Variants in EFHD1 observed in about 807,000 individuals in gnomAD.
The protein encoded by EFHD1 is EF-hand domain-containing protein D1.
A neutral mutation model predicts 17.2 loss-of-function variants in EFHD1; 10 were observed. That is an observed-to-expected ratio of 0.58 (90% CI 0.36 to 0.99). The LOEUF is 0.99. Ranked by LOEUF, EFHD1 falls within the 50% of genes least tolerant of loss-of-function variation. EFHD1 has a pLI of 0.01. For missense variants in EFHD1, 310 were observed against 327.5 expected (o/e 0.95, Z 0.41); for synonymous variants, 153 against 142.0 (o/e 1.08, Z -0.55).
Position 232,652,486 on chromosome 2 carries a change from A to G in EFHD1, c.303-10316A>G, listed in dbSNP as rs189731447. Reference sequence around the variant, plus strand: ...CATTCTGATCCCCAGGAATTCACTTACTTCAGTTTTCACCATCTCTGAAGC... The same window carrying G: ...CATTCTGATCCCCAGGAATTCACTTGCTTCAGTTTTCACCATCTCTGAAGC... On this transcript the variant is annotated intron_variant, in intron 1 of 3. Coordinates refer to ENST00000264059, the MANE Select transcript of EFHD1 (RefSeq NM_025202.4). Among the ~76,000 whole-genome samples, 224 of 152,060 alleles carry G rather than the reference A, an allele frequency of 1.5e-3. 1 individual carries two copies. The highest frequency in any genetic ancestry group is 2.1e-3 in the Non-Finnish European group (140 of 67,996).
chr2:232,640,885 C>G (rs564699856), intron 1 of EFHD1, among the ~76,000 whole-genome samples: 2 of 152,164 alleles, frequency 1.3e-5, no homozygotes, highest in African/African-American at 4.8e-5. Flanking sequence ...AGGGAAGGCC[C>G]TTGGGATGAA....
intron 1 of EFHD1, chr2:232,606,323 C>A (rs1441535873): frequency 1.0e-6 from 1 of 973,400 alleles, no homozygotes; most frequent in Non-Finnish European, 1.6e-6. Flanking sequence ...CCCTGCCCCG[C>A]GCACGGTCTG....
At chr2:232,677,296 TAC>T (rs1213951182) in intron 3 of EFHD1, among the ~76,000 whole-genome samples, 1 of 138,582 alleles carries the variant, frequency 7.2e-6, no homozygotes, top group East Asian at 2.2e-4. Flanking sequence ...CACACACACG[TAC>T]ACACACACAT....
chr2:232,662,805 T>C lies in EFHD1; in HGVS notation c.306T>C (p.Tyr102=). 6.4e-7 allele frequency: 1 copy of C among 1,573,100 alleles called. No homozygotes were observed. Residue 102 remains tyrosine, a synonymous_variant, in exon 2 of 4, where the codon TAT becomes TAC. Transcript: ENST00000264059. ...ATGCATTCCTTTGACCCTGCAGGTA[T>C]GACGCTGGGCGGGATGGCTTCATCG... is the stretch of plus-strand genomic sequence containing the variant. ...IKDLESMFKL[Y]DAGRDGFIDL...
At chr2:232,626,804 A>G (rs1694109826) in intron 1 of EFHD1, among the ~76,000 whole-genome samples, 1 of 152,142 alleles carries the variant, frequency 6.6e-6, no homozygotes. Context: ...GACACTGTCT[A>G]GAACAATGAA....
chr2:232,672,832 A>G (rs1695104010), intron 3 of EFHD1, among the ~76,000 whole-genome samples: 1 of 152,172 alleles, frequency 6.6e-6, no homozygotes, highest in African/African-American at 2.4e-5. Context: ...AAGCTTGCCC[A>G]GAGACAGAGT....
chr2:232,666,052 C>T (rs1364469010), intron 2 of EFHD1, among the ~76,000 whole-genome samples: 1 of 152,196 alleles, frequency 6.6e-6, no homozygotes, highest in Non-Finnish European at 1.5e-5. Context: ...GAAGTTCTTC[C>T]TGGAGGTCTG....
rs1216433455 is a variant in EFHD1 at position 232,627,057 on chromosome 2, TA to T, written c.14+20885del. ...CTCTCTATATATATATATATATATA[TA>T]TATATATTTTTTTTTTTTTTTAATT... On this transcript the variant is annotated intron_variant, in intron 1 of 3. Transcript: ENST00000409613. Among the ~76,000 whole-genome samples, 176 of 120,848 alleles carry T rather than the reference TA, an allele frequency of 1.5e-3. 1 individual carries two copies. The highest frequency in any genetic ancestry group is 8.1e-3 in the East Asian group (31 of 3,840). 79.3% of individuals were successfully genotyped at this position (120,848 alleles called of 152,430 possible). A position where few individuals can be genotyped will look rare whatever the true frequency, so the allele number is the denominator to read the frequency against.
chr2:232,619,634 T>C (rs1693986543), intron 1 of EFHD1, among the ~76,000 whole-genome samples: 1 of 152,080 alleles, frequency 6.6e-6, no homozygotes, highest in Non-Finnish European at 1.5e-5. Context: ...AAGGAAGTAC[T>C]TGGTATTTTT....
intron 1 of EFHD1, among the ~76,000 whole-genome samples, chr2:232,627,230 TAAAAA>T (rs1694123877): frequency 6.9e-6 from 1 of 144,026 alleles, no homozygotes; most frequent in South Asian, 2.2e-4. Context: ...AACCCTGTCT[TAAAAA>T]AACACAAACA....
intron 1 of EFHD1, among the ~76,000 whole-genome samples, chr2:232,661,471 A>G (rs1436801121): frequency 6.6e-6 from 1 of 151,960 alleles, no homozygotes; most frequent in Admixed American, 6.6e-5. Context: ...ACCCGTGTAT[A>G]AGCCTTCCCT....
chr2:232,633,673 CCCCGCGTT>C lies in EFHD1; in HGVS notation c.-24_-17del, dbSNP rs922636432. ...CAGCTCCCTGCGTCCCGTCCCGCGT[CCCCGCGTT>C]CCCGCGTCCTGCGATCCGCCGCCAT... On this transcript the variant is annotated 5_prime_UTR_variant, in exon 1 of 4. Coordinates refer to ENST00000264059, the MANE Select transcript of EFHD1 (RefSeq NM_025202.4). 1.4e-6 allele frequency: 2 copies of C among 1,401,922 alleles called. No individual in the cohort carries two copies. The highest frequency in any genetic ancestry group is 1.8e-6 in the Non-Finnish European group (2 of 1,089,076). The allele number at this position is 1,401,922 out of a possible 1,614,324, so 86.8% of individuals were successfully genotyped here.
intron 1 of EFHD1, among the ~76,000 whole-genome samples, chr2:232,624,586 C>T (rs1005687023): frequency 1.3e-5 from 2 of 152,262 alleles, no homozygotes; most frequent in Non-Finnish European, 2.9e-5. Context: ...ATGGGGAGAA[C>T]CGCATTTAGC....
At chr2:232,613,815 TATAC>T (rs1559335810) in intron 1 of EFHD1, among the ~76,000 whole-genome samples, 5 of 87,556 alleles carry the variant, frequency 5.7e-5, no homozygotes, top group Non-Finnish European at 1.2e-4. Flanking sequence ...TATACACACA[TATAC>T]ACACACAAAT....
chr2:232,678,844 TAAG>T (rs1695224956), intron 3 of EFHD1, among the ~76,000 whole-genome samples: 3 of 152,110 alleles, frequency 2.0e-5, no homozygotes, highest in South Asian at 2.1e-4. Context: ...ACTTAGGATA[TAAG>T]AAGATTGGGA....
intron 3 of EFHD1, among the ~76,000 whole-genome samples, chr2:232,678,142 G>A (rs763925914): frequency 4.6e-5 from 7 of 151,898 alleles, no homozygotes; most frequent in African/African-American, 7.3e-5. Context: ...AATTAGCTGG[G>A]CGTGGTGGCG....
intron 1 of EFHD1, among the ~76,000 whole-genome samples, chr2:232,619,311 TC>T (rs148259634): frequency 0.11 from 5,664 of 49,844 alleles, 416 homozygotes; most frequent in African/African-American, 0.28. Context: ...TTTCTTTCTT[TC>T]TTTTTTTTTT....
At chr2:232,670,729 G>GA (rs1181722211) in intron 2 of EFHD1, among the ~76,000 whole-genome samples, 4 of 151,850 alleles carry the variant, frequency 2.6e-5, no homozygotes, top group Non-Finnish European at 5.9e-5. Flanking sequence ...CCTTGGTGCT[G>GA]AGGAAGGTTT....
chr2:232,632,012 A>G (rs1384022867), upstream of EFHD1, among the ~76,000 whole-genome samples: 1 of 151,980 alleles, frequency 6.6e-6, no homozygotes, highest in African/African-American at 2.4e-5. Context: ...TCAAAAAAAA[A>G]AAAAGTTTTT....
Sources: allele counts gnomAD v4.1 joint callset (sites outside exome capture counted in the v4.1 genomes callset), GRCh38; gene constraint gnomAD v4.1.1; transcripts MANE v1.5; gene names NCBI Gene and HGNC (gene_info 2026-07-23, HGNC 2026-07-21).